Variants in IL26 observed in about 807,000 individuals in gnomAD.
The protein encoded by IL26 is interleukin 26, also known as interleukin-26.
Under a neutral mutation model 21.7 loss-of-function variants are expected in IL26, and 23 were observed. That is an observed-to-expected ratio of 1.06 (90% confidence interval 0.76 to 1.50). The LOEUF is 1.50. Ranked by LOEUF, IL26 falls within the 40% of genes most tolerant of loss-of-function variation. The pLI, the probability that IL26 is intolerant of heterozygous loss-of-function variation, is 0.00. For missense variants in IL26, 204 were observed against 196.0 expected (o/e 1.04, Z -0.24); for synonymous variants, 63 against 67.8 (o/e 0.93, Z 0.34).
At chr12:68,201,984 A>T (rs1868401846) in intron 4 of IL26, 34 bp downstream of exon 4, 17 of 1,540,166 alleles carry the variant, frequency 1.1e-5, no homozygotes, top group Non-Finnish European at 1.5e-5. Context: ...TTTAAAAAAC[A>T]AAGTTTTTTA....
intron 2 of IL26, 21 bp downstream of exon 2, chr12:68,225,423 G>A (rs1057274622): frequency 6.4e-7 from 1 of 1,552,404 alleles, no homozygotes; most frequent in African/African-American, 1.4e-5. Context: ...ATGTAAAAAA[G>A]AAGAAGACTT....
intron 3 of IL26, among the ~76,000 whole-genome samples, chr12:68,221,505 A>C (rs548257523): frequency 6.6e-6 from 1 of 152,362 alleles, no homozygotes; most frequent in South Asian, 2.1e-4. Context: ...GGATAGGACC[A>C]GTTGCTCACC....
chr12:68,214,979 G>T (rs1592898628), intron 3 of IL26, among the ~76,000 whole-genome samples: 1 of 143,350 alleles, frequency 7.0e-6, no homozygotes. Context: ...GTTTTATTTT[G>T]TTGCTCTTAA....
chr12:68,208,860 C>T (rs1298752667), intron 3 of IL26, among the ~76,000 whole-genome samples: 1 of 152,164 alleles, frequency 6.6e-6, no homozygotes, highest in African/African-American at 2.4e-5. Context: ...ATTGAGTCCC[C>T]TGCATCTGGA....
chr12:68,218,708 C>A (rs932689246), intron 3 of IL26, among the ~76,000 whole-genome samples: 1 of 151,940 alleles, frequency 6.6e-6, no homozygotes, highest in Non-Finnish European at 1.5e-5. Flanking sequence ...AAACTATATA[C>A]TCACAAATAC....
intron 3 of IL26, among the ~76,000 whole-genome samples, chr12:68,210,369 A>C (rs1370879482): frequency 1.3e-4 from 16 of 121,170 alleles, no homozygotes; most frequent in African/African-American, 3.9e-4. Flanking sequence ...AAAAAAAAAA[A>C]AAAAAAAAAA....
intron 3 of IL26, among the ~76,000 whole-genome samples, chr12:68,209,089 C>CA (rs1868628960): frequency 1.3e-5 from 2 of 152,052 alleles, no homozygotes; most frequent in African/African-American, 4.8e-5. Flanking sequence ...CTTATGTGTT[C>CA]AAAAAAATCA....
intron 3 of IL26, among the ~76,000 whole-genome samples, chr12:68,224,701 AGAGG>A (rs1227310396): frequency 8.5e-6 from 1 of 117,752 alleles, no homozygotes; most frequent in African/African-American, 3.1e-5. Flanking sequence ...GAGAAAGGGG[AGAGG>A]GAGGGAGGGA....
intron 3 of IL26, among the ~76,000 whole-genome samples, chr12:68,207,677 G>C (rs528011883): frequency 6.6e-6 from 1 of 152,172 alleles, no homozygotes; most frequent in Non-Finnish European, 1.5e-5. Flanking sequence ...GGTAGAAGCA[G>C]TTTCTACCAA....
At chr12:68,207,597 G>A (rs1376167833) in intron 3 of IL26, among the ~76,000 whole-genome samples, 1 of 152,118 alleles carries the variant, frequency 6.6e-6, no homozygotes, top group Non-Finnish European at 1.5e-5. Context: ...ATCTTCATGT[G>A]AGCAGTTTGT....
intron 3 of IL26, among the ~76,000 whole-genome samples, chr12:68,208,240 G>T (rs1458149154): frequency 2.0e-5 from 3 of 152,174 alleles, no homozygotes; most frequent in African/African-American, 7.2e-5. Flanking sequence ...AAAGTGACTT[G>T]TGTCTTGAAA....
At chr12:68,203,762 G>T (rs11571058) in intron 3 of IL26, among the ~76,000 whole-genome samples, 11 of 152,140 alleles carry the variant, frequency 7.2e-5, no homozygotes, top group African/African-American at 2.7e-4. Flanking sequence ...GCTACCTTCA[G>T]ATCAGACCCT....
chr12:68,225,204 T>C lies in IL26; in HGVS notation c.308A>G (p.Lys103Arg). 6.2e-7 allele frequency: 1 copy of C among 1,613,990 alleles called. No individual in the cohort carries two copies. Among genetic ancestry groups the C allele is most frequent in the African/African-American group, 1.3e-5 (1 of 75,050 alleles). The part of the protein sequence containing the change: ...VFGQLQLQGC[K>R]KIRFVEDFHS... ...AAAGTCCTCCACAAAGCGTATTTTC[T>C]TGCAGCCTTGCAATTGCAGTTGACC... The change falls in exon 3 of 5, where the codon AAG (lysine) becomes AGG (arginine). Residue 103 changes from lysine (K) to arginine (R), a missense_variant. By Grantham distance (26) the Lys-to-Arg change is conservative. Coordinates refer to ENST00000229134, the MANE Select transcript of IL26 (RefSeq NM_018402.2).
chr12:68,210,329 TCA>T (rs1868674930), intron 3 of IL26, among the ~76,000 whole-genome samples: 1 of 13,436 alleles, frequency 7.4e-5, no homozygotes, highest in African/African-American at 2.6e-4. Flanking sequence ...TAAATAAATA[TCA>T]GTTTGGCAAA....
At chr12:68,211,266 AT>A (rs1868721136) in intron 3 of IL26, among the ~76,000 whole-genome samples, 1 of 152,142 alleles carries the variant, frequency 6.6e-6, no homozygotes, top group South Asian at 2.1e-4. Flanking sequence ...ACAGAATTTC[AT>A]TTTTTTCATT....
In IL26 at chr12:68,202,103, T is replaced by C. The variant is rs11571067; in HGVS notation, c.364-20A>G. 5.5e-3 allele frequency: 7,975 copies of C among 1,461,262 alleles called. 375 individuals carry two copies. The African/African-American group carries it at 0.096, about 18-fold the overall frequency. 90.5% of individuals were successfully genotyped at this position (1,461,262 alleles called of 1,614,324 possible). Reference sequence around the variant, plus strand: ...GGAAATCTAAGAAATCAACAGTAATTACAGATAATATTGTTGAAGAGGCAT... The same window carrying C: ...GGAAATCTAAGAAATCAACAGTAATCACAGATAATATTGTTGAAGAGGCAT... On this transcript the variant is annotated intron_variant, in intron 3 of 4. Transcript: ENST00000229134.
chr12:68,204,141 A>ATTTTTTTTTTGTTTTTTTTT (rs1868464304), intron 3 of IL26, among the ~76,000 whole-genome samples: 1 of 113,216 alleles, frequency 8.8e-6, no homozygotes. Context: ...GGATTCAAAG[A>ATTTTTTTTTTGTTTTTTTTT]TTTTTTTTTT....
chr12:68,212,339 T>C (rs1868756553), intron 3 of IL26, among the ~76,000 whole-genome samples: 1 of 152,190 alleles, frequency 6.6e-6, no homozygotes. Context: ...TTGTTCTTTT[T>C]GCTCAGTATT....
intron 3 of IL26, among the ~76,000 whole-genome samples, chr12:68,211,498 G>A (rs575680093): frequency 1.3e-4 from 20 of 152,202 alleles, no homozygotes; most frequent in South Asian, 6.2e-4. Flanking sequence ...TTTCCATAGC[G>A]GTTATACTAG....
Sources: allele counts gnomAD v4.1 joint callset (sites outside exome capture counted in the v4.1 genomes callset), GRCh38; gene constraint gnomAD v4.1.1; transcripts MANE v1.5; gene names NCBI Gene and HGNC (gene_info 2026-07-23, HGNC 2026-07-21).